ATXN1: variants seen among roughly 807,000 people sequenced by gnomAD.
The protein encoded by ATXN1 is ataxin 1, also known as ataxin-1.
A neutral mutation model predicts 56.4 loss-of-function variants in ATXN1; 8 were observed. The ratio of observed to expected loss-of-function variants is 0.14; its 90% confidence interval spans 0.08 to 0.26. The LOEUF (loss-of-function observed/expected upper bound fraction) is 0.26. Ranked by LOEUF, ATXN1 falls within the 10% of genes least tolerant of loss-of-function variation. The pLI is 1.00. For missense variants in ATXN1, 987 were observed against 1,106.5 expected (o/e 0.89, Z 1.53); for synonymous variants, 514 against 494.6 (o/e 1.04, Z -0.52).
At position 16,326,830 on chromosome 6, in the gene ATXN1, A is replaced by G. The variant is rs1164069483; in HGVS notation, c.1481T>C (p.Val494Ala). ...IPGTQPLLIP[V>A]GSTDMEASGA... ...CGACGCTTCCATGTCAGTGCTGCCGACCGGGATGAGCAGGGGCTGTGTGCC... is the reference window on the plus strand; with the variant it reads ...CGACGCTTCCATGTCAGTGCTGCCGGCCGGGATGAGCAGGGGCTGTGTGCC... The change falls in exon 7 of 8, where the codon GTC becomes GCC. Residue 494 changes from valine to alanine, a missense_variant. Val to Ala is a moderately conservative substitution (Grantham distance 64, BLOSUM62 0). Around this residue, in one of 3 missense-constraint regions of ATXN1, gnomAD observed 723 missense variants for 791.7 expected, o/e 0.91. Transcript: ENST00000436367. This position sits in a 1 kb window ranked among gnomAD's most constrained non-coding sequence, Gnocchi z 6.6. The G allele has an allele frequency of 3.7e-6, 6 of 1,607,506 alleles. No individual in the cohort carries two copies. Among genetic ancestry groups the G allele is most frequent in the Non-Finnish European group, 5.1e-6 (6 of 1,175,256 alleles).
chr6:16,602,779 A>T (rs1762936055), intron 3 of ATXN1, among the ~76,000 whole-genome samples: 1 of 152,128 alleles, frequency 6.6e-6, no homozygotes, highest in African/African-American at 2.4e-5. Flanking sequence ...GGGAAAGAGG[A>T]TAAGGTAACG....
At chr6:16,422,244 TG>T (rs913795603) in intron 6 of ATXN1, among the ~76,000 whole-genome samples, 1 of 152,116 alleles carries the variant, frequency 6.6e-6, no homozygotes, top group African/African-American at 2.4e-5. Context: ...GGCGACACAC[TG>T]AGCAAATGTT....
chr6:16,346,619 C>T (rs1339141571), intron 6 of ATXN1, among the ~76,000 whole-genome samples: 2 of 152,202 alleles, frequency 1.3e-5, no homozygotes, highest in Admixed American at 6.5e-5. Flanking sequence ...TTTGATAACT[C>T]GTGACTTTAG....
chr6:16,540,062 C>T (rs778777177), intron 4 of ATXN1, among the ~76,000 whole-genome samples: 22 of 152,266 alleles, frequency 1.4e-4, no homozygotes, highest in African/African-American at 5.1e-4. Context: ...CGCTCGAACA[C>T]GGGATGCATC....
intron 6 of ATXN1, among the ~76,000 whole-genome samples, chr6:16,349,601 T>C (rs889876258): frequency 3.9e-5 from 6 of 152,220 alleles, no homozygotes; most frequent in Non-Finnish European, 5.9e-5. Context: ...CCAGCAAAGA[T>C]GGTGAATGGA....
At chr6:16,697,827 T>G (rs749892539) in intron 2 of ATXN1, among the ~76,000 whole-genome samples, 2 of 152,126 alleles carry the variant, frequency 1.3e-5, no homozygotes, top group Non-Finnish European at 2.9e-5. Context: ...AAGTTCAAAT[T>G]AGGAATCAAG....
intron 3 of ATXN1, among the ~76,000 whole-genome samples, chr6:16,608,373 C>G (rs1653450711): frequency 1.3e-5 from 2 of 152,212 alleles, no homozygotes; most frequent in Non-Finnish European, 2.9e-5. Context: ...CTATGACCTA[C>G]CCTCTGCCCA....
chr6:16,640,972 C>G (rs749398851), intron 3 of ATXN1, among the ~76,000 whole-genome samples: 11 of 152,196 alleles, frequency 7.2e-5, no homozygotes, highest in African/African-American at 1.4e-4. Flanking sequence ...AGTGAAACAG[C>G]CTTGTTGCTG....
In ATXN1 at chr6:16,440,649, A is replaced by AAAAAAAAAAAAAAAAAAAAAAAAG. The variant is rs56105499; in HGVS notation, c.-161+45322_-161+45323insCTTTTTTTTTTTTTTTTTTTTTTT. Reference sequence around the variant, plus strand: ...GAGTGAGACCCTGTCTTAAAAAAAAAAAAGAAAAGAAAAGAAAAAATTAAA... The same window carrying AAAAAAAAAAAAAAAAAAAAAAAAG: ...GAGTGAGACCCTGTCTTAAAAAAAAAAAAAAAAAAAAAAAAAAAAAAAAGAAAGAAAAGAAAAGAAAAAATTAAA... On this transcript the variant is annotated intron_variant, in intron 6 of 7. Coordinates refer to ENST00000436367, the MANE Select transcript of ATXN1 (RefSeq NM_001128164.2). 1.2e-3 allele frequency among the ~76,000 whole-genome samples: 138 copies of AAAAAAAAAAAAAAAAAAAAAAAAG among 113,620 alleles called. 4 individuals are homozygous for AAAAAAAAAAAAAAAAAAAAAAAAG. Among genetic ancestry groups the AAAAAAAAAAAAAAAAAAAAAAAAG allele is most frequent in the African/African-American group, 4.5e-3 (123 of 27,186 alleles). 74.5% of individuals were successfully genotyped at this position (113,620 alleles called of 152,430 possible). A position where few individuals can be genotyped will look rare whatever the true frequency, so the allele number is the denominator to read the frequency against.
chr6:16,556,994 C>T (rs575070688), intron 4 of ATXN1, among the ~76,000 whole-genome samples: 16 of 151,968 alleles, frequency 1.1e-4, no homozygotes, highest in Admixed American at 7.9e-4. Context: ...ATATAAAATG[C>T]CTAGGGATAA....
chr6:16,432,043 A>G (rs553673913), intron 6 of ATXN1, among the ~76,000 whole-genome samples: 4 of 152,330 alleles, frequency 2.6e-5, no homozygotes, highest in African/African-American at 9.6e-5. Flanking sequence ...TAATCTATTT[A>G]TTTTGAAATA....
At chr6:16,586,043 G>GTGCA (rs145407309) in intron 3 of ATXN1, 136 bp from the exon 4 acceptor site, 8 of 148,380 alleles carry the variant, frequency 5.4e-5, no homozygotes, top group African/African-American at 2.0e-4. Context: ...GCAAGCATGC[G>GTGCA]CACACACACA....
At chr6:16,310,943 C>G (rs923994820) in intron 7 of ATXN1, among the ~76,000 whole-genome samples, 1 of 152,166 alleles carries the variant, frequency 6.6e-6, no homozygotes, top group African/African-American at 2.4e-5. Flanking sequence ...AGTTCTGATA[C>G]ATTTCTAGAA....
chr6:16,465,126 G>T (rs1034127707), intron 6 of ATXN1, among the ~76,000 whole-genome samples: 1 of 152,158 alleles, frequency 6.6e-6, no homozygotes, highest in Non-Finnish European at 1.5e-5. Context: ...TTCCTCCCAG[G>T]TGTCCTTCCA....
chr6:16,676,367 T>G (rs1310612383), intron 2 of ATXN1, among the ~76,000 whole-genome samples: 1 of 152,202 alleles, frequency 6.6e-6, no homozygotes, highest in Non-Finnish European at 1.5e-5. Context: ...TTGTATAAAA[T>G]CAATGTACAA....
intron 4 of ATXN1, among the ~76,000 whole-genome samples, chr6:16,555,027 A>G (rs1761986622): frequency 1.3e-5 from 2 of 152,218 alleles, no homozygotes; most frequent in African/African-American, 4.8e-5. Flanking sequence ...CCTGGGACTG[A>G]GCCATGCTCT....
At chr6:16,442,962 A>G (rs953044754) in intron 6 of ATXN1, among the ~76,000 whole-genome samples, 4 of 152,152 alleles carry the variant, frequency 2.6e-5, no homozygotes, top group African/African-American at 7.2e-5. Context: ...CAGTGAGCCA[A>G]GATGGTGCCA....
At chr6:16,669,814 T>C (rs929587313) in intron 2 of ATXN1, among the ~76,000 whole-genome samples, 5 of 152,114 alleles carry the variant, frequency 3.3e-5, no homozygotes, top group Admixed American at 2.6e-4. Flanking sequence ...GCATTAGGTA[T>C]TTGTCCAAAT....
At chr6:16,718,125 T>TA (rs2113465225) in intron 2 of ATXN1, among the ~76,000 whole-genome samples, 1 of 152,372 alleles carries the variant, frequency 6.6e-6, no homozygotes, top group South Asian at 2.1e-4. Flanking sequence ...TGTGTTTCTT[T>TA]AAAAAATCTA....
Sources: allele counts gnomAD v4.1 joint callset (sites outside exome capture counted in the v4.1 genomes callset), GRCh38; gene constraint gnomAD v4.1.1; regional missense constraint gnomAD v4.1.1; non-coding constraint Gnocchi (gnomAD v3.1); transcripts MANE v1.5; gene names NCBI Gene and HGNC (gene_info 2026-07-23, HGNC 2026-07-21).